CMAS: variants seen among roughly 807,000 people sequenced by gnomAD.
CMAS encodes the protein N-acylneuraminate cytidylyltransferase.
CMAS carries 21 observed loss-of-function variants against 53.4 expected under a neutral mutation model. The observed-to-expected ratio is 0.39, with a 90% CI of 0.28 to 0.57. The LOEUF is 0.57. CMAS is among the 20% of genes least tolerant of loss of function. The pLI is 0.56. For synonymous variants in CMAS, 189 were observed against 195.2 expected, an observed-to-expected ratio of 0.97 and a Z score of 0.27; for missense variants, 384 against 534.9, an observed-to-expected ratio of 0.72 and a Z score of 2.78.
At chr12:22,048,258 T>G (rs990211970) in intron 1 of CMAS, among the ~76,000 whole-genome samples, 1 of 152,208 alleles carries the variant, frequency 6.6e-6, no homozygotes, top group Non-Finnish European at 1.5e-5. Flanking sequence ...TATCACGTTA[T>G]GATAAATATT....
At chr12:22,058,033 G>C (rs1439255841) in intron 3 of CMAS, among the ~76,000 whole-genome samples, 1 of 151,442 alleles carries the variant, frequency 6.6e-6, no homozygotes, top group South Asian at 2.1e-4. Flanking sequence ...CACTATGTTG[G>C]CTGGGCTGCT....
intron 1 of CMAS, among the ~76,000 whole-genome samples, chr12:22,054,077 T>C (rs1164151482): frequency 6.6e-6 from 1 of 151,278 alleles, no homozygotes; most frequent in African/African-American, 2.4e-5. Context: ...CAGGTGTGCA[T>C]CACCATGCCC....
rs1565530919 is a variant in CMAS, at chr12:22,058,545, TACTC to T, written c.560-21_560-18del. On this transcript the variant is annotated intron_variant, in intron 3 of 7. Transcript: ENST00000229329. ...TTCTATATTCAGGGCAACGTGGACTTACTCTAACTTTTTGCTTTTAGTTCGTGAA... is the reference window on the plus strand; with the variant it reads ...TTCTATATTCAGGGCAACGTGGACTTTAACTTTTTGCTTTTAGTTCGTGAA... 1 of 1,604,872 alleles carries T rather than the reference TACTC, an allele frequency of 6.2e-7. No homozygotes were observed. Among genetic ancestry groups the T allele is most frequent in the Non-Finnish European group, 8.5e-7 (1 of 1,176,454 alleles).
rs749276031 is a variant in CMAS, at chr12:22,060,959, C to G, written c.788+33C>G. ...CAAATAAACCTTTATAACCTTTGTA[C>G]TAAATCTTAATAATTATATTTCTAG... On this transcript the variant is annotated intron_variant, in intron 5 of 7. Transcript: ENST00000229329. 8.2e-6 allele frequency: 10 copies of G among 1,222,110 alleles called. No individual in the cohort carries two copies. In the Admixed American group the frequency reaches 1.7e-4, roughly 21 times the overall value. The allele number at this position is 1,222,110 out of a possible 1,614,324, so 75.7% of individuals were successfully genotyped here. A position where few individuals can be genotyped will look rare whatever the true frequency, so the allele number is the denominator to read the frequency against.
intron 1 of CMAS, 103 bp downstream of exon 1, chr12:22,046,666 G>T: frequency 7.6e-7 from 1 of 1,309,288 alleles, no homozygotes; most frequent in South Asian, 1.6e-5. Context: ...CTCTTGGAAG[G>T]GGGCCATCTC....
At chr12:22,057,444 T>G (rs1004476443) in intron 3 of CMAS, among the ~76,000 whole-genome samples, 1 of 152,178 alleles carries the variant, frequency 6.6e-6, no homozygotes, top group Non-Finnish European at 1.5e-5. Flanking sequence ...TTTTAACTAA[T>G]GGTAAGAATG....
At chr12:22,060,732 G>C in intron 4 of CMAS, 100 bp from the exon 5 acceptor site, 1 of 705,870 alleles carries the variant, frequency 1.4e-6, no homozygotes, top group South Asian at 1.7e-5. Flanking sequence ...ATTTTTCTCA[G>C]TACTGTAGAA....
In CMAS at chr12:22,062,454, C is replaced by A. The variant is rs199984794; in HGVS notation, c.1114+20C>A. 4.4e-6 allele frequency: 7 copies of A among 1,606,598 alleles called. No individual in the cohort carries two copies. Among genetic ancestry groups the A allele is most frequent in the Middle Eastern group, 1.7e-4 (1 of 6,056 alleles). On this transcript the variant is annotated intron_variant, in intron 7 of 7. Transcript: ENST00000229329. ...ATCTTGGTTGGTATCTTTTTATTCA[C>A]CCATAGTAAAATGGACCAGGAATTA...
intron 7 of CMAS, among the ~76,000 whole-genome samples, chr12:22,064,544 T>G (rs148644674): frequency 1.1e-4 from 17 of 152,166 alleles, no homozygotes; most frequent in Middle Eastern, 6.8e-3. Context: ...CAACATATAC[T>G]AGGTTATTAG....
intron 6 of CMAS, among the ~76,000 whole-genome samples, chr12:22,061,957 A>G (rs1269964800): frequency 6.6e-6 from 1 of 152,166 alleles, no homozygotes; most frequent in East Asian, 1.9e-4. Context: ...TCCTCTGGAT[A>G]AATTGAATTA....
At chr12:22,056,157 G>T (rs7135019) in intron 3 of CMAS, among the ~76,000 whole-genome samples, 75,057 of 151,908 alleles carry the variant, frequency 0.49, 20,433 homozygotes, top group East Asian at 0.87. Flanking sequence ...TAGTTGTTTC[G>T]TAGGGATTCC....
chr12:22,062,006 T>TAA (rs2138188733), intron 6 of CMAS, among the ~76,000 whole-genome samples: 1 of 152,296 alleles, frequency 6.6e-6, no homozygotes, highest in East Asian at 1.9e-4. Context: ...ATATATGTTG[T>TAA]AATTTTTACC....
chr12:22,050,395 T>A (rs1056900871), intron 1 of CMAS, among the ~76,000 whole-genome samples: 7 of 152,228 alleles, frequency 4.6e-5, no homozygotes, highest in Non-Finnish European at 1.0e-4. Flanking sequence ...GAATAGTGCC[T>A]GGCACATAGT....
chr12:22,065,376 A>G lies in CMAS; in HGVS notation c.*65A>G. ...TTCAGCCAGTTTGCTTTTATTTTTG[A>G]TTAAGTAAATTCCATGTTGTAATGT... On this transcript the variant is annotated 3_prime_UTR_variant, in exon 8 of 8. Transcript: ENST00000229329. 1 of 1,238,404 alleles carries G rather than the reference A, an allele frequency of 8.1e-7. No homozygotes were observed. Among genetic ancestry groups the G allele is most frequent in the Non-Finnish European group, 1.2e-6 (1 of 864,364 alleles). The allele number at this position is 1,238,404 out of a possible 1,614,324, so 76.7% of individuals were successfully genotyped here.
In CMAS at chr12:22,055,577, C is replaced by T. The variant is rs2138182812; in HGVS notation, c.526C>T (p.His176Tyr). Reference sequence around the variant, plus strand: ...TTCTGTTTTCTCTGTTGTGAGACGCCATCAGTTTCGATGGAGTGAAATTCA... The same window carrying T: ...TTCTGTTTTCTCTGTTGTGAGACGCTATCAGTTTCGATGGAGTGAAATTCA... ...YDSVFSVVRR[H>Y]QFRWSEIQKG... Residue 176 changes from histidine to tyrosine, a missense_variant, in exon 3 of 8, where the codon CAT (histidine) becomes TAT (tyrosine). By Grantham distance (83) the His-to-Tyr change is moderately conservative. This residue lies in a region of CMAS where 139 missense variants were observed against 248.0 expected (regional missense o/e 0.56). Transcript: ENST00000229329. The T allele has an allele frequency of 1.9e-6, 3 of 1,609,888 alleles. No individual in the cohort carries two copies. The highest frequency in any genetic ancestry group is 1.3e-5 in the African/African-American group (1 of 74,884).
At chr12:22,052,852 T>C (rs1040478744) in intron 1 of CMAS, among the ~76,000 whole-genome samples, 3 of 152,204 alleles carry the variant, frequency 2.0e-5, no homozygotes, top group Admixed American at 1.3e-4. Flanking sequence ...TCTTTGATTA[T>C]TTTTTCTTAC....
At chr12:22,055,673 A>G in intron 3 of CMAS, 63 bp downstream of exon 3, 1 of 1,438,670 alleles carries the variant, frequency 7.0e-7, no homozygotes, top group Non-Finnish European at 9.6e-7. Context: ...TTGTATATAA[A>G]TATCCTTTAG....
intron 1 of CMAS, among the ~76,000 whole-genome samples, chr12:22,053,867 A>G (rs1267234982): frequency 3.5e-5 from 5 of 142,830 alleles, no homozygotes; most frequent in Non-Finnish European, 7.5e-5. Context: ...AGACACAGCG[A>G]GACTCCGTCT....
intron 7 of CMAS, 48 bp downstream of exon 7, chr12:22,062,482 T>A: frequency 6.4e-7 from 1 of 1,559,688 alleles, no homozygotes. Flanking sequence ...AGGAATTAAT[T>A]ATTTACTTAT....
Sources: gnomAD v4.1 joint callset for allele counts (sites outside exome capture counted in the v4.1 genomes callset) on GRCh38, gnomAD v4.1.1 for gene constraint, gnomAD v4.1.1 regional missense constraint, MANE v1.5 for transcripts, NCBI Gene and HGNC (gene_info 2026-07-23, HGNC 2026-07-21) for gene names.